NAV3: variants seen among roughly 807,000 people sequenced by gnomAD.
NAV3 encodes pore membrane and/or filament interacting like protein 1.
In NAV3, 87 loss-of-function variants were observed where a neutral mutation model predicts 244.7. That is an observed-to-expected ratio of 0.36 (90% CI 0.30 to 0.42). The LOEUF (loss-of-function observed/expected upper bound fraction) is 0.42, where lower values mean the gene tolerates loss of function less well. Ranked by LOEUF, NAV3 falls within the 20% of genes least tolerant of loss-of-function variation. NAV3 has a pLI of 1.00. For missense variants in NAV3, 2,663 were observed against 2,893.3 expected, an observed-to-expected ratio of 0.92 and a Z score of 1.83; for synonymous variants, 1,126 against 1,042.2, an observed-to-expected ratio of 1.08 and a Z score of -1.55.
chr12:78,139,085 A>G (rs1956496287), intron 19 of NAV3, among the ~76,000 whole-genome samples: 1 of 140,324 alleles, frequency 7.1e-6, no homozygotes, highest in Non-Finnish European at 1.6e-5. Flanking sequence ...GTATTATTAG[A>G]GATAGAAAGA....
intron 1 of NAV3, among the ~76,000 whole-genome samples, chr12:77,858,829 G>A (rs533835029): frequency 6.6e-6 from 1 of 152,044 alleles, no homozygotes; most frequent in Non-Finnish European, 1.5e-5. Context: ...AAAAGCCCAA[G>A]CCAAACAAAA....
intron 1 of NAV3, among the ~76,000 whole-genome samples, chr12:77,931,390 A>C (rs190767881): frequency 0.013 from 709 of 53,304 alleles, 7 homozygotes; most frequent in South Asian, 0.1. Context: ...GAGGAATGCA[A>C]CTTCTCATTT....
intron 2 of NAV3, among the ~76,000 whole-genome samples, chr12:77,646,570 A>G (rs564601038): frequency 9.2e-5 from 14 of 152,120 alleles, no homozygotes; most frequent in Non-Finnish European, 1.9e-4. Flanking sequence ...AACAAAGTCT[A>G]GGCCTTACCA....
At chr12:77,965,030 A>G (rs1192515239) in intron 3 of NAV3, among the ~76,000 whole-genome samples, 4 of 152,158 alleles carry the variant, frequency 2.6e-5, no homozygotes, top group Non-Finnish European at 5.9e-5. Flanking sequence ...CATTGGCAGA[A>G]CTCTGTGTGT....
At chr12:78,073,875 G>T (rs1952911590) in intron 12 of NAV3, among the ~76,000 whole-genome samples, 1 of 152,136 alleles carries the variant, frequency 6.6e-6, no homozygotes, top group African/African-American at 2.4e-5. Context: ...AGAGCCCTCA[G>T]AAATAAATTT....
intron 5 of NAV3, among the ~76,000 whole-genome samples, chr12:77,989,365 G>T (rs936401698): frequency 2.0e-5 from 3 of 152,116 alleles, no homozygotes; most frequent in Non-Finnish European, 2.9e-5. Flanking sequence ...CTTTACCTTT[G>T]CATGGTATTT....
chr12:78,131,318 T>G (rs1956156575), intron 18 of NAV3, among the ~76,000 whole-genome samples: 1 of 152,200 alleles, frequency 6.6e-6, no homozygotes. Context: ...AAACACCAAG[T>G]TTTTGTTTCC....
intron 2 of NAV3, among the ~76,000 whole-genome samples, chr12:77,811,419 C>A (rs1332749876): frequency 6.6e-6 from 1 of 152,168 alleles, no homozygotes; most frequent in Non-Finnish European, 1.5e-5. Flanking sequence ...TCTTCACCTC[C>A]ACCACCATCA....
intron 39 of NAV3, among the ~76,000 whole-genome samples, chr12:78,205,372 A>AT (rs1445902070): frequency 6.6e-6 from 1 of 152,066 alleles, no homozygotes; most frequent in Non-Finnish European, 1.5e-5. Flanking sequence ...CTAGACTATA[A>AT]TGTTTCTCTT....
chr12:78,136,096 G>A (rs976954262), intron 18 of NAV3, among the ~76,000 whole-genome samples: 1 of 152,118 alleles, frequency 6.6e-6, no homozygotes, highest in African/African-American at 2.4e-5. Flanking sequence ...TTGAGAGCCA[G>A]TACTTGTATT....
chr12:77,595,550 A>G lies in NAV3; in HGVS notation c.72+23284A>G, dbSNP rs138755867. Reference sequence around the variant, plus strand: ...TTCAGTTCTTCTCATCACACATATAAAAAATAACTGGGAGAAGATGGATAT... The same window carrying G: ...TTCAGTTCTTCTCATCACACATATAGAAAATAACTGGGAGAAGATGGATAT... On this transcript the variant is annotated intron_variant, in intron 2 of 8. Transcript: ENST00000550042. Among the ~76,000 whole-genome samples, 1,172 of 152,280 alleles carry G rather than the reference A, an allele frequency of 7.7e-3. 8 individuals are homozygous for G. The highest frequency in any genetic ancestry group is 0.027 in the African/African-American group (1,123 of 41,566).
At chr12:77,673,553 A>G (rs1365179718) in intron 2 of NAV3, among the ~76,000 whole-genome samples, 2 of 152,092 alleles carry the variant, frequency 1.3e-5, no homozygotes, top group Non-Finnish European at 2.9e-5. Context: ...AATATGAAAG[A>G]TGCAATAATT....
intron 9 of NAV3, among the ~76,000 whole-genome samples, chr12:78,026,564 A>G (rs1422918983): frequency 6.6e-6 from 1 of 152,182 alleles, no homozygotes; most frequent in African/African-American, 2.4e-5. Context: ...GTGTATATGA[A>G]TCAACTTTTT....
At chr12:77,670,766 T>C (rs757230258) in intron 2 of NAV3, among the ~76,000 whole-genome samples, 24 of 152,064 alleles carry the variant, frequency 1.6e-4, no homozygotes, top group Admixed American at 1.4e-3. Flanking sequence ...ATCAGCAAAA[T>C]TGGCATAGAA....
At chr12:77,721,001 C>G (rs1352334652) in intron 2 of NAV3, among the ~76,000 whole-genome samples, 1 of 152,104 alleles carries the variant, frequency 6.6e-6, no homozygotes, top group Non-Finnish European at 1.5e-5. Flanking sequence ...TGAGTCTGCT[C>G]TAGAATGGTT....
At chr12:77,837,517 T>C (rs1874870735) in intron 1 of NAV3, among the ~76,000 whole-genome samples, 1 of 152,124 alleles carries the variant, frequency 6.6e-6, no homozygotes, top group South Asian at 2.1e-4. Flanking sequence ...ATAGGAATTA[T>C]TATTCTTCCC....
intron 2 of NAV3, among the ~76,000 whole-genome samples, chr12:77,645,490 G>C (rs1429126590): frequency 7.4e-6 from 1 of 135,276 alleles, no homozygotes; most frequent in African/African-American, 2.9e-5. Context: ...GGCAGTTTGA[G>C]CATTTAAGGG....
chr12:77,891,701 A>C (rs947870458), intron 1 of NAV3, among the ~76,000 whole-genome samples: 1 of 152,224 alleles, frequency 6.6e-6, no homozygotes, highest in Admixed American at 6.5e-5. Context: ...TGAAGCTTAG[A>C]GAGTTTAAGG....
intron 33 of NAV3, among the ~76,000 whole-genome samples, chr12:78,189,499 G>C (rs1958875797): frequency 6.6e-6 from 1 of 151,398 alleles, no homozygotes; most frequent in African/African-American, 2.4e-5. Flanking sequence ...TGCATAATGA[G>C]AGATAGAAGA....
Sources: allele counts gnomAD v4.1 joint callset (sites outside exome capture counted in the v4.1 genomes callset), GRCh38; gene constraint gnomAD v4.1.1; transcripts MANE v1.5; gene names NCBI Gene and HGNC (gene_info 2026-07-23, HGNC 2026-07-21).